FLVCR1: variants seen among roughly 807,000 people sequenced by gnomAD.
FLVCR1 encodes FLVCR choline and heme transporter 1, also known as choline/ethanolamine transporter FLVCR1.
A neutral mutation model predicts 53.6 loss-of-function variants in FLVCR1; 34 were observed. The observed-to-expected ratio is 0.63, with a 90% confidence interval of 0.48 to 0.84. The LOEUF is 0.84. Ranked by LOEUF, FLVCR1 falls within the 40% of genes least tolerant of loss-of-function variation. FLVCR1 has a pLI of 0.00. For missense variants in FLVCR1, 677 were observed against 696.7 expected, an observed-to-expected ratio of 0.97 and a Z score of 0.32; for synonymous variants, 300 against 286.3, an observed-to-expected ratio of 1.05 and a Z score of -0.48.
chr1:212,889,346 G>A (rs1665132969), intron 8 of FLVCR1, 89 bp downstream of exon 8: 2 of 831,326 alleles, frequency 2.4e-6, no homozygotes, highest in Non-Finnish European at 4.2e-6. Context: ...CAGAACTCAA[G>A]GGGAAAAAAA....
chr1:212,888,789 A>G (rs926550995), intron 7 of FLVCR1, among the ~76,000 whole-genome samples, 195 bp downstream of exon 7: 8 of 152,200 alleles, frequency 5.3e-5, no homozygotes, highest in South Asian at 2.1e-4. Context: ...GGCTCAAGCA[A>G]TCCTCCCCCC....
rs1558124466 is a variant in FLVCR1, at chr1:212,896,855, T to TTA, written c.*1565_*1566insTA. On this transcript the variant is annotated 3_prime_UTR_variant, in exon 10 of 10. Transcript: ENST00000366971. ...CAACATGGTAAAACCCCATCTCTAC[T>TTA]AAAAAAAAAAAAAAAAAAAAAAAAA... 5.8e-5 allele frequency: 1 copy of TTA among 17,112 alleles called. No homozygotes were observed. Among genetic ancestry groups the TTA allele is most frequent in the Admixed American group, 1.3e-3 (1 of 784 alleles). 1.1% of individuals were successfully genotyped at this position (17,112 alleles called of 1,614,324 possible). A position where few individuals can be genotyped will look rare whatever the true frequency, so the allele number is the denominator to read the frequency against.
In FLVCR1 at chr1:212,896,384, C is replaced by G. The variant is rs1383468286; in HGVS notation, c.*1094C>G. ...GGAATACTATGCCCAGGTACATGCT[C>G]TATCAGTGTGCCGGGAGAGTGGATT... On this transcript the variant is annotated 3_prime_UTR_variant, in exon 10 of 10. Transcript: ENST00000366971. 1 of 152,164 alleles carries G rather than the reference C, an allele frequency of 6.6e-6. No homozygotes were observed. The highest frequency in any genetic ancestry group is 2.4e-5 in the African/African-American group (1 of 41,432). The allele number at this position is 152,164 out of a possible 1,614,324, so 9.4% of individuals were successfully genotyped here. A position where few individuals can be genotyped will look rare whatever the true frequency, so the allele number is the denominator to read the frequency against.
Position 212,876,351 on chromosome 1 carries a change from G to A in FLVCR1, c.1024+3533G>A, listed in dbSNP as rs1011204342. Reference sequence around the variant, plus strand: ...TGCTTCCAGCTCCATCCATGTCCCTGCAAAGGACATGATCTCATTTCTTTT... The same window carrying A: ...TGCTTCCAGCTCCATCCATGTCCCTACAAAGGACATGATCTCATTTCTTTT... On this transcript the variant is annotated intron_variant, in intron 3 of 9. Coordinates refer to ENST00000366971, the MANE Select transcript of FLVCR1 (RefSeq NM_014053.4). 2.9e-4 allele frequency among the ~76,000 whole-genome samples: 44 copies of A among 150,752 alleles called. 1 individual carries two copies. Among genetic ancestry groups the A allele is most frequent in the Admixed American group, 7.4e-4 (11 of 14,920 alleles).
chr1:212,888,489 C>G lies in FLVCR1; in HGVS notation c.1308C>G (p.Gly436=), dbSNP rs750658265. 1.2e-6 allele frequency: 2 copies of G among 1,606,966 alleles called. No homozygotes were observed. Among genetic ancestry groups the G allele is most frequent in the East Asian group, 4.5e-5 (2 of 44,796 alleles). The part of the protein sequence containing the change: ...IIVFVTGGVL[G]FFMTGYLPLG... ...TGTAATTCTGGATTTATTTTCCTAG[C>G]TTCTTCATGACTGGTTACCTCCCTT... is the stretch of plus-strand genomic sequence containing the variant. The change falls in exon 7 of 10, where the codon GGC becomes GGG. Residue 436 remains glycine (G), a splice_region_variant and synonymous_variant. Transcript: ENST00000366971.
At chr1:212,867,121 C>T (rs536073635) in intron 2 of FLVCR1, among the ~76,000 whole-genome samples, 7 of 152,326 alleles carry the variant, frequency 4.6e-5, no homozygotes, top group East Asian at 1.9e-4. Flanking sequence ...TTTTCCGCAA[C>T]GTGACATGTA....
chr1:212,887,249 T>C (rs1308582328), intron 5 of FLVCR1, among the ~76,000 whole-genome samples: 3 of 152,226 alleles, frequency 2.0e-5, no homozygotes, highest in African/African-American at 7.2e-5. Context: ...ATTATATTTC[T>C]TAAGTCTTTC....
intron 3 of FLVCR1, among the ~76,000 whole-genome samples, chr1:212,878,285 G>A (rs887021475): frequency 6.6e-6 from 1 of 152,188 alleles, no homozygotes; most frequent in Non-Finnish European, 1.5e-5. Context: ...GGCGGATCAC[G>A]AGGTCAGGAG....
Position 212,889,139 on chromosome 1 carries a change from A to G in FLVCR1, c.1414-7A>G. The G allele has an allele frequency of 1.3e-6, 2 of 1,557,562 alleles. No homozygotes were observed. Among genetic ancestry groups the G allele is most frequent in the South Asian group, 1.1e-5 (1 of 89,928 alleles). Reference sequence around the variant, plus strand: ...AATAACGAATGATTTTTCTTATTGTATTTTAGATATTTGGAATTTTGTTCA... The same window carrying G: ...AATAACGAATGATTTTTCTTATTGTGTTTTAGATATTTGGAATTTTGTTCA... On this transcript the variant is annotated splice_region_variant and splice_polypyrimidine_tract_variant and intron_variant, in intron 7 of 9. Transcript: ENST00000366971.
At position 212,876,611 on chromosome 1, in the gene FLVCR1, T is replaced by C. The variant is rs12404175; in HGVS notation, c.1024+3793T>C. Among the ~76,000 whole-genome samples, 518 of 152,260 alleles carry C rather than the reference T, an allele frequency of 3.4e-3. 13 individuals carry two copies. Among genetic ancestry groups the C allele is most frequent in the Admixed American group, 0.028 (430 of 15,280 alleles). On this transcript the variant is annotated intron_variant, in intron 3 of 9. Coordinates refer to ENST00000366971, the MANE Select transcript of FLVCR1 (RefSeq NM_014053.4). ...GAACTCCTGACCTCAGGTGATTCAC[T>C]GCCTCAGCCTCCCAAAGTGCCAAGA...
intron 1 of FLVCR1, among the ~76,000 whole-genome samples, chr1:212,860,350 G>GTTTTTGTTTTTTTTTTTTTTTTTTT (rs1664186425): frequency 1.2e-5 from 1 of 85,824 alleles, no homozygotes; most frequent in Non-Finnish European, 2.4e-5. Context: ...TGTGTGTGTG[G>GTTTTTGTTTTTTTTTTTTTTTTTTT]TTTTTTTTTT....
chr1:212,891,986 G>A (rs1307721041), intron 8 of FLVCR1, among the ~76,000 whole-genome samples: 2 of 152,224 alleles, frequency 1.3e-5, no homozygotes, highest in Admixed American at 1.3e-4. Context: ...GTAAGCCAAA[G>A]CCTAATCTAG....
intron 4 of FLVCR1, among the ~76,000 whole-genome samples, chr1:212,884,293 C>T (rs1380466036): frequency 6.6e-6 from 1 of 151,454 alleles, no homozygotes; most frequent in Non-Finnish European, 1.5e-5. Context: ...GAGTGAATCC[C>T]CATTTAAAAA....
In FLVCR1 at chr1:212,895,817, A is replaced by G. The variant is rs1665319594; in HGVS notation, c.*527A>G. The G allele has an allele frequency of 6.2e-6, 1 of 161,920 alleles. No individual in the cohort carries two copies. Among genetic ancestry groups the G allele is most frequent in the Non-Finnish European group, 1.4e-5 (1 of 73,670 alleles). The allele number at this position is 161,920 out of a possible 1,614,324, so 10.0% of individuals were successfully genotyped here. On this transcript the variant is annotated 3_prime_UTR_variant, in exon 10 of 10. Coordinates refer to ENST00000366971, the MANE Select transcript of FLVCR1 (RefSeq NM_014053.4). Reference sequence around the variant, plus strand: ...ACAACATACCAACATGACACTACTCACCCACAAAGGACAGCATTGGGATCA... The same window carrying G: ...ACAACATACCAACATGACACTACTCGCCCACAAAGGACAGCATTGGGATCA...
At chr1:212,880,208 A>T (rs7534973) in intron 3 of FLVCR1, among the ~76,000 whole-genome samples, 70,410 of 151,852 alleles carry the variant, frequency 0.46, 17,569 homozygotes, top group East Asian at 0.56. Flanking sequence ...TGTTTTTGAT[A>T]AGTGTTGTTA....
chr1:212,859,304 A>G (rs945279896), intron 1 of FLVCR1, 114 bp downstream of exon 1: 83 of 1,505,174 alleles, frequency 5.5e-5, no homozygotes, highest in Middle Eastern at 2.2e-4. Context: ...TTTGTCTATA[A>G]AAGAGGAGAT....
At chr1:212,893,529 G>A (rs1431581785) in intron 8 of FLVCR1, among the ~76,000 whole-genome samples, 1 of 152,130 alleles carries the variant, frequency 6.6e-6, no homozygotes, top group African/African-American at 2.4e-5. Flanking sequence ...AGTTTTGTGG[G>A]TAAAATGTTA....
chr1:212,881,369 C>A (rs567813431), intron 3 of FLVCR1, among the ~76,000 whole-genome samples: 1 of 135,862 alleles, frequency 7.4e-6, no homozygotes, highest in African/African-American at 2.7e-5. Flanking sequence ...GACAGAGTCT[C>A]GCTCTGTCAC....
chr1:212,890,687 G>A (rs757159519), intron 8 of FLVCR1, among the ~76,000 whole-genome samples: 1 of 152,144 alleles, frequency 6.6e-6, no homozygotes, highest in Non-Finnish European at 1.5e-5. Context: ...GTTGTGCTTC[G>A]TTGATCTGGT....
Sources: allele counts gnomAD v4.1 joint callset (sites outside exome capture counted in the v4.1 genomes callset), GRCh38; gene constraint gnomAD v4.1.1; transcripts MANE v1.5; gene names NCBI Gene and HGNC (gene_info 2026-07-23, HGNC 2026-07-21).